The following DOCK3 variants were observed in gnomAD, a reference collection of about 807,000 sequenced individuals.
The protein encoded by DOCK3 is dedicator of cytokinesis protein 3.
In DOCK3, 60 loss-of-function variants were observed where a neutral mutation model predicts 265.6. The observed-to-expected ratio is 0.23, with a 90% CI of 0.18 to 0.28. The LOEUF is 0.28. DOCK3 is among the 10% of genes least tolerant of loss of function. The pLI is 1.00. For missense variants in DOCK3, 1,981 were observed against 2,594.3 expected, an observed-to-expected ratio of 0.76 and a Z score of 5.14; for synonymous variants, 881 against 938.0, an observed-to-expected ratio of 0.94 and a Z score of 1.11.
chr3:50,912,216 T>TCTTTGACACGATCAAAGA (rs2049893381), intron 4 of DOCK3, among the ~76,000 whole-genome samples: 1 of 152,130 alleles, frequency 6.6e-6, no homozygotes, highest in Non-Finnish European at 1.5e-5. Context: ...ACCTTGATAG[T>TCTTTGACACGATCAAAGA]CTTTGACACG....
intron 3 of DOCK3, among the ~76,000 whole-genome samples, chr3:50,889,457 G>T (rs1021425372): frequency 1.3e-5 from 2 of 150,574 alleles, no homozygotes; most frequent in South Asian, 2.1e-4. Flanking sequence ...GAAAACTGAT[G>T]TGGTTTTTTT....
intron 5 of DOCK3, among the ~76,000 whole-genome samples, chr3:50,973,266 C>T (rs909689435): frequency 6.7e-6 from 1 of 150,328 alleles, no homozygotes; most frequent in Non-Finnish European, 1.5e-5. Flanking sequence ...TTAGGTATAT[C>T]TCCCAGTGCT....
chr3:50,705,141 T>C (rs2107852434), intron 1 of DOCK3, among the ~76,000 whole-genome samples: 1 of 152,206 alleles, frequency 6.6e-6, no homozygotes, highest in Middle Eastern at 3.4e-3. Flanking sequence ...TTTTTCTTTT[T>C]TGTGTACTAC....
chr3:51,320,113 A>C (rs1427133206), intron 32 of DOCK3, among the ~76,000 whole-genome samples: 1 of 152,158 alleles, frequency 6.6e-6, no homozygotes, highest in African/African-American at 2.4e-5. Flanking sequence ...TTTCCAGCTG[A>C]GGTACCCAGC....
chr3:51,363,535 C>CGT (rs1298674541), intron 49 of DOCK3, among the ~76,000 whole-genome samples: 4 of 152,186 alleles, frequency 2.6e-5, no homozygotes, highest in African/African-American at 9.7e-5. Flanking sequence ...ATGTGCACAA[C>CGT]GTGCAGGTTT....
intron 2 of DOCK3, among the ~76,000 whole-genome samples, chr3:50,782,352 G>A (rs2041964170): frequency 1.4e-5 from 2 of 141,892 alleles, no homozygotes; most frequent in Non-Finnish European, 3.0e-5. Flanking sequence ...GTGCAGTGGC[G>A]CGATCTCGGC....
chr3:51,363,725 G>C (rs2086911166), intron 49 of DOCK3, among the ~76,000 whole-genome samples: 1 of 152,180 alleles, frequency 6.6e-6, no homozygotes, highest in Non-Finnish European at 1.5e-5. Flanking sequence ...CTATGAGTGA[G>C]AACATGCAGT....
chr3:50,952,965 A>G (rs1331287803), intron 5 of DOCK3, among the ~76,000 whole-genome samples: 37 of 152,030 alleles, frequency 2.4e-4, no homozygotes, highest in Admixed American at 2.4e-3. Flanking sequence ...AACTTAAGTG[A>G]TTTTCTTAAG....
chr3:51,316,077 C>T (rs983933023), intron 32 of DOCK3, among the ~76,000 whole-genome samples: 2 of 152,092 alleles, frequency 1.3e-5, no homozygotes, highest in Non-Finnish European at 2.9e-5. Flanking sequence ...AATGCATAGT[C>T]GTGTAACCAC....
rs79844320 is a variant in DOCK3 at position 51,171,352 on chromosome 3, C to T, written c.1037+10650C>T. Among the ~76,000 whole-genome samples the T allele has an allele frequency of 3.9e-3, 586 of 152,168 alleles. 6 individuals are homozygous for T. The highest frequency in any genetic ancestry group is 0.013 in the African/African-American group (554 of 41,502). On this transcript the variant is annotated intron_variant, in intron 12 of 52. Transcript: ENST00000266037. ...GTGAAATTTTCAGTTTTCCTCGTTA[C>T]TGATGTCTGGTTTCATACCATTGTG...
intron 4 of DOCK3, among the ~76,000 whole-genome samples, chr3:50,913,471 G>A (rs2049965911): frequency 6.6e-6 from 1 of 152,014 alleles, no homozygotes; most frequent in Non-Finnish European, 1.5e-5. Context: ...TGTCCCATTA[G>A]GTGTCACGCA....
intron 5 of DOCK3, among the ~76,000 whole-genome samples, chr3:50,945,795 G>A (rs1453664859): frequency 3.3e-5 from 5 of 152,132 alleles, no homozygotes; most frequent in African/African-American, 1.2e-4. Flanking sequence ...GTGGCTAAGT[G>A]CACAGGCTTT....
intron 52 of DOCK3, 52 bp downstream of exon 52, chr3:51,380,259 C>G (rs782139738): frequency 2.9e-5 from 44 of 1,535,012 alleles, no homozygotes; most frequent in Non-Finnish European, 3.8e-5. Flanking sequence ...GTCATCTCGT[C>G]TGCTCTAGAA....
intron 9 of DOCK3, among the ~76,000 whole-genome samples, chr3:51,144,506 T>G (rs917455368): frequency 6.6e-6 from 1 of 152,198 alleles, no homozygotes; most frequent in African/African-American, 2.4e-5. Context: ...GCCCCATGCA[T>G]CTACTTTGAT....
At chr3:51,369,386 A>C (rs1176980703) in intron 49 of DOCK3, among the ~76,000 whole-genome samples, 1 of 152,226 alleles carries the variant, frequency 6.6e-6, no homozygotes, top group African/African-American at 2.4e-5. Context: ...CATGAGAGTG[A>C]CGTGATGCAT....
rs117218476 is a variant in DOCK3, at chr3:51,221,472, G to A, written c.1253-4177G>A. 2.2e-3 allele frequency among the ~76,000 whole-genome samples: 336 copies of A among 152,260 alleles called. 2 individuals carry two copies. The East Asian group carries it at 0.026, about 12-fold the overall frequency. On this transcript the variant is annotated intron_variant, in intron 14 of 52. Transcript: ENST00000266037. ...AGTGTTGTAAAAACAAAGAACAACT[G>A]CCAGAGACATATGTGGCTGACAAAA...
intron 9 of DOCK3, among the ~76,000 whole-genome samples, chr3:51,101,126 T>G (rs1412084041): frequency 6.8e-6 from 1 of 147,998 alleles, no homozygotes; most frequent in Non-Finnish European, 1.5e-5. Context: ...TTTTTTTTTT[T>G]TTTTTGAGAC....
chr3:50,929,663 CTGAGA>C lies in DOCK3; in HGVS notation c.219-4316_219-4312del, dbSNP rs1670088263. ...TTGTTGTTGTTCTGTTGCTACTACG[CTGAGA>C]TATTTATTTTATTTTGGAGCCCAAA... On this transcript the variant is annotated intron_variant, in intron 4 of 52. Transcript: ENST00000266037. Among the ~76,000 whole-genome samples the C allele has an allele frequency of 3.9e-5, 6 of 152,152 alleles. 1 individual carries two copies. In the South Asian group the frequency reaches 1.2e-3, roughly 32 times the overall value.
At chr3:51,244,150 T>G (rs2078725019) in intron 21 of DOCK3, among the ~76,000 whole-genome samples, 3 of 152,228 alleles carry the variant, frequency 2.0e-5, no homozygotes, top group Admixed American at 2.0e-4. Context: ...GAGACTGCAA[T>G]TTTGTTCCTC....
Sources: allele counts gnomAD v4.1 joint callset (sites outside exome capture counted in the v4.1 genomes callset), GRCh38; gene constraint gnomAD v4.1.1; transcripts MANE v1.5; gene names NCBI Gene and HGNC (gene_info 2026-07-23, HGNC 2026-07-21).